SH2D4A: variants seen among roughly 807,000 people sequenced by gnomAD.
SH2D4A encodes the protein SH2 domain-containing protein 4A.
A neutral mutation model predicts 64.7 loss-of-function variants in SH2D4A; 70 were observed. That is an observed-to-expected ratio of 1.08 (90% CI 0.89 to 1.32). SH2D4A has a LOEUF of 1.32. SH2D4A is among the 40% of genes most tolerant of loss of function. The pLI is 0.00. For synonymous variants in SH2D4A, 268 were observed against 200.7 expected, an observed-to-expected ratio of 1.34 and a Z score of -2.83; for missense variants, 706 against 540.1, an observed-to-expected ratio of 1.31 and a Z score of -3.04.
intron 4 of SH2D4A, among the ~76,000 whole-genome samples, chr8:19,352,922 A>T (rs1326541290): frequency 6.6e-6 from 1 of 152,076 alleles, no homozygotes; most frequent in Non-Finnish European, 1.5e-5. Flanking sequence ...AGGTGGGAGG[A>T]TCACTTGAGC....
At chr8:19,384,467 T>C (rs2053350017) in intron 8 of SH2D4A, among the ~76,000 whole-genome samples, 1 of 152,262 alleles carries the variant, frequency 6.6e-6, no homozygotes, top group African/African-American at 2.4e-5. Flanking sequence ...ACACCCATTT[T>C]TTCAGTTCCG....
intron 7 of SH2D4A, among the ~76,000 whole-genome samples, chr8:19,373,322 C>A (rs963270314): frequency 1.3e-5 from 2 of 149,460 alleles, no homozygotes; most frequent in Non-Finnish European, 3.0e-5. Context: ...TTCTCTCTCT[C>A]CCCCCACCCC....
intron 8 of SH2D4A, among the ~76,000 whole-genome samples, chr8:19,392,017 C>A (rs1269026718): frequency 1.3e-5 from 2 of 152,084 alleles, no homozygotes; most frequent in African/African-American, 4.8e-5. Flanking sequence ...CATTGACTTC[C>A]CCATCTTTCC....
chr8:19,324,968 C>T (rs2052254528), intron 2 of SH2D4A, among the ~76,000 whole-genome samples: 1 of 152,124 alleles, frequency 6.6e-6, no homozygotes, highest in Admixed American at 6.6e-5. Flanking sequence ...CCCAGATTGC[C>T]AAGCCAGACC....
intron 2 of SH2D4A, among the ~76,000 whole-genome samples, chr8:19,324,999 C>A (rs989774214): frequency 6.6e-6 from 1 of 152,086 alleles, no homozygotes; most frequent in Non-Finnish European, 1.5e-5. Context: ...GTGTTGGTTG[C>A]CTGGTGAGCA....
chr8:19,344,034 T>C (rs2052571880), intron 4 of SH2D4A, among the ~76,000 whole-genome samples: 1 of 152,082 alleles, frequency 6.6e-6, no homozygotes, highest in African/African-American at 2.4e-5. Context: ...TCTGATGGGG[T>C]AAAGTGCTTT....
intron 8 of SH2D4A, among the ~76,000 whole-genome samples, chr8:19,382,035 T>A (rs866340240): frequency 7.2e-5 from 11 of 152,210 alleles, no homozygotes; most frequent in African/African-American, 2.7e-4. Context: ...ATTTTGATAG[T>A]AACCATGTTA....
chr8:19,371,220 G>A (rs2053089803), intron 7 of SH2D4A, among the ~76,000 whole-genome samples: 1 of 152,066 alleles, frequency 6.6e-6, no homozygotes, highest in Non-Finnish European at 1.5e-5. Flanking sequence ...GTTTATGTTT[G>A]AAGAACTATT....
At chr8:19,389,735 C>G (rs377379526) in intron 8 of SH2D4A, among the ~76,000 whole-genome samples, 96 of 152,202 alleles carry the variant, frequency 6.3e-4, no homozygotes, top group African/African-American at 2.2e-3. Context: ...GGCAACATGG[C>G]GAAACCCCAT....
rs752227096 is a variant in SH2D4A at position 19,334,764 on chromosome 8, G to A, written c.420G>A (p.Gln140=). The A allele has an allele frequency of 6.2e-7, 1 of 1,614,118 alleles. No homozygotes were observed. The change falls in exon 4 of 10, where the codon CAG becomes CAA. Residue 140 remains glutamine (Q), a synonymous_variant. Coordinates refer to ENST00000265807, the MANE Select transcript of SH2D4A (RefSeq NM_022071.4). ...ATGATCTGCAGGCTCCGGATAACCA[G>A]CAGACTAAAGACATCTGGAAGAAAG... The part of the protein sequence containing the change: ...QYHDLQAPDN[Q]QTKDIWKKVA...
intron 4 of SH2D4A, among the ~76,000 whole-genome samples, chr8:19,344,525 G>A (rs1218246639): frequency 1.3e-5 from 2 of 152,174 alleles, no homozygotes; most frequent in Non-Finnish European, 2.9e-5. Flanking sequence ...TGCTTTCGAA[G>A]AGCGCCTGTG....
chr8:19,364,788 C>G (rs1303304046), intron 7 of SH2D4A, among the ~76,000 whole-genome samples: 1 of 152,206 alleles, frequency 6.6e-6, no homozygotes, highest in Non-Finnish European at 1.5e-5. Context: ...TTCACGGATA[C>G]ATAGCCAAGT....
At chr8:19,365,674 T>G (rs2052981318) in intron 7 of SH2D4A, among the ~76,000 whole-genome samples, 1 of 152,186 alleles carries the variant, frequency 6.6e-6, no homozygotes, top group African/African-American at 2.4e-5. Context: ...TCAGCTGTGC[T>G]CAGTTAGCTC....
chr8:19,387,792 A>AG (rs1439185708), intron 8 of SH2D4A, among the ~76,000 whole-genome samples: 1 of 152,206 alleles, frequency 6.6e-6, no homozygotes, highest in East Asian at 1.9e-4. Context: ...GCAGATCAGT[A>AG]GGGTTGTTCC....
intron 6 of SH2D4A, 90 bp downstream of exon 6, chr8:19,361,404 T>G: frequency 7.6e-7 from 1 of 1,307,210 alleles, no homozygotes; most frequent in Non-Finnish European, 1.0e-6. Context: ...GCGCTTAATG[T>G]GGGTTGTTGA....
intron 8 of SH2D4A, among the ~76,000 whole-genome samples, chr8:19,390,377 A>T (rs17478671): frequency 0.13 from 20,038 of 152,160 alleles, 1,415 homozygotes; most frequent in South Asian, 0.17. Flanking sequence ...TAAAAAAAAG[A>T]AAACGTGGAA....
At chr8:19,382,936 T>C (rs2053322637) in intron 8 of SH2D4A, among the ~76,000 whole-genome samples, 1 of 145,848 alleles carries the variant, frequency 6.9e-6, no homozygotes, top group Admixed American at 7.2e-5. Flanking sequence ...GTTCAAGCAA[T>C]TCTCCTGCCT....
chr8:19,360,459 C>T (rs2052863878), intron 5 of SH2D4A, among the ~76,000 whole-genome samples: 1 of 151,898 alleles, frequency 6.6e-6, no homozygotes, highest in Non-Finnish European at 1.5e-5. Flanking sequence ...TCAAAAAATA[C>T]AAAAATTACC....
intron 7 of SH2D4A, among the ~76,000 whole-genome samples, chr8:19,372,674 A>G (rs558028671): frequency 3.3e-5 from 5 of 152,156 alleles, no homozygotes; most frequent in Non-Finnish European, 7.4e-5. Context: ...GTTGAGTAGG[A>G]CTTGGAAGTC....
Sources: gnomAD v4.1 joint callset for allele counts (sites outside exome capture counted in the v4.1 genomes callset) on GRCh38, gnomAD v4.1.1 for gene constraint, MANE v1.5 for transcripts, NCBI Gene and HGNC (gene_info 2026-07-23, HGNC 2026-07-21) for gene names.